CFAP95: variants seen among roughly 807,000 people sequenced by gnomAD.
CFAP95 encodes cilia and flagella associated protein 95, also known as cilia- and flagella-associated protein 95.
At chr9:69,826,475 C>T in the CFAP95 span, among the ~76,000 whole-genome samples, 43,173 of 151,926 alleles carry the variant, frequency 0.28, 6,743 homozygotes, top group South Asian at 0.36. Flanking sequence ...AACACACATT[C>T]GAGAACTACG....
chr9:69,863,995 A>G, the CFAP95 span, among the ~76,000 whole-genome samples: 1 of 152,160 alleles, frequency 6.6e-6, no homozygotes, highest in African/African-American at 2.4e-5. Flanking sequence ...CAGGCAGGGT[A>G]TTTGCTGTGT....
chr9:69,838,599 C>CTGAAGTTGCTT, the CFAP95 span, among the ~76,000 whole-genome samples: 2 of 151,704 alleles, frequency 1.3e-5, no homozygotes, highest in African/African-American at 2.4e-5. Context: ...TGAGACTTCG[C>CTGAAGTTGCTT]TGAAGTTGCT....
At chr9:69,857,821 C>G in the CFAP95 span, 1 of 1,187,480 alleles carries the variant, frequency 8.4e-7, no homozygotes, top group Non-Finnish European at 1.2e-6. Flanking sequence ...AGCCACTGCG[C>G]CCAGCCCCTA....
the CFAP95 span, among the ~76,000 whole-genome samples, chr9:69,874,972 T>C: frequency 1.3e-5 from 2 of 152,202 alleles, no homozygotes; most frequent in Non-Finnish European, 2.9e-5. Flanking sequence ...GGATACCTCT[T>C]CCCCAAGACA....
At chr9:69,851,559 A>G in the CFAP95 span, among the ~76,000 whole-genome samples, 3 of 152,142 alleles carry the variant, frequency 2.0e-5, no homozygotes, top group Non-Finnish European at 4.4e-5. Context: ...CCTTTCCCCC[A>G]GACAACTAGA....
the CFAP95 span, among the ~76,000 whole-genome samples, chr9:69,893,942 T>C: frequency 6.6e-6 from 1 of 152,232 alleles, no homozygotes; most frequent in African/African-American, 2.4e-5. Flanking sequence ...ATGAAATGAG[T>C]GAGAGTTTTA....
At chr9:69,896,136 T>C in the CFAP95 span, among the ~76,000 whole-genome samples, 2 of 152,210 alleles carry the variant, frequency 1.3e-5, no homozygotes, top group Admixed American at 1.3e-4. Context: ...AGGCCTCAAA[T>C]TGATATACAG....
At chr9:69,887,903 C>T in the CFAP95 span, among the ~76,000 whole-genome samples, 2 of 152,300 alleles carry the variant, frequency 1.3e-5, no homozygotes, top group Non-Finnish European at 2.9e-5. Flanking sequence ...AGGAAGCCAT[C>T]GTGGATAATC....
chr9:69,888,135 A>T, the CFAP95 span, among the ~76,000 whole-genome samples: 3 of 152,200 alleles, frequency 2.0e-5, no homozygotes, highest in African/African-American at 7.2e-5. Context: ...TGAAATTCCA[A>T]TGGAATTTGT....
At chr9:69,861,364 G>T in the CFAP95 span, among the ~76,000 whole-genome samples, 1 of 152,126 alleles carries the variant, frequency 6.6e-6, no homozygotes, top group African/African-American at 2.4e-5. Context: ...TCTCCCTTCT[G>T]CAGGGTGAAG....
the CFAP95 span, among the ~76,000 whole-genome samples, chr9:69,853,233 G>A: frequency 1.3e-5 from 2 of 152,172 alleles, no homozygotes; most frequent in Admixed American, 6.5e-5. Flanking sequence ...AACCTGAGAA[G>A]TCATAAGTGT....
chr9:69,886,986 A>G, the CFAP95 span: 6 of 947,638 alleles, frequency 6.3e-6, no homozygotes, highest in Non-Finnish European at 1.0e-5. Flanking sequence ...GAAAGGAGAA[A>G]TTGCTAAAGC....
the CFAP95 span, among the ~76,000 whole-genome samples, chr9:69,882,780 G>T: frequency 2.6e-5 from 4 of 152,152 alleles, no homozygotes; most frequent in Non-Finnish European, 5.9e-5. Flanking sequence ...AACCATCCTT[G>T]TGTCTCTGGG....
chr9:69,845,859 G>T, the CFAP95 span, among the ~76,000 whole-genome samples: 1 of 152,134 alleles, frequency 6.6e-6, no homozygotes, highest in Non-Finnish European at 1.5e-5. Context: ...GGAATCTGAT[G>T]ATTTCCTCAG....
chr9:69,869,248 TG>T, the CFAP95 span, among the ~76,000 whole-genome samples: 1 of 152,214 alleles, frequency 6.6e-6, no homozygotes, highest in African/African-American at 2.4e-5. Flanking sequence ...TCAACCTAAG[TG>T]TCCGTTGATG....
the CFAP95 span, chr9:69,884,307 T>C: frequency 6.6e-6 from 1 of 152,190 alleles, no homozygotes; most frequent in Non-Finnish European, 1.5e-5. Flanking sequence ...AGGATCTCTC[T>C]CTGTCACCTG....
At chr9:69,854,322 C>T in the CFAP95 span, among the ~76,000 whole-genome samples, 1 of 152,224 alleles carries the variant, frequency 6.6e-6, no homozygotes, top group African/African-American at 2.4e-5. Context: ...TGGCCATGTG[C>T]TGTTATTACC....
chr9:69,835,002 G>A, the CFAP95 span, among the ~76,000 whole-genome samples: 3 of 152,274 alleles, frequency 2.0e-5, no homozygotes, highest in Middle Eastern at 3.4e-3. Context: ...TCTTCAAAGA[G>A]TATTGTCAAT....
chr9:69,870,084 A>C, the CFAP95 span, among the ~76,000 whole-genome samples: 1 of 152,184 alleles, frequency 6.6e-6, no homozygotes, highest in East Asian at 1.9e-4. Flanking sequence ...TATGGAGTTA[A>C]ATTATTACCC....
Sources: allele counts gnomAD v4.1 joint callset (sites outside exome capture counted in the v4.1 genomes callset), GRCh38; gene constraint gnomAD v4.1.1; transcripts MANE v1.5; gene names NCBI Gene and HGNC (gene_info 2026-07-23, HGNC 2026-07-21).